Variants in SDK1 observed in about 807,000 individuals in gnomAD.
SDK1 encodes the protein sidekick cell adhesion molecule 1.
SDK1 carries 157 observed loss-of-function variants against 245.5 expected under a neutral mutation model. That is an observed-to-expected ratio of 0.64 (90% CI 0.56 to 0.73). The LOEUF (loss-of-function observed/expected upper bound fraction) is 0.73, where lower values mean the gene tolerates loss of function less well. Ranked by LOEUF, SDK1 falls within the 30% of genes least tolerant of loss-of-function variation. The probability of loss-of-function intolerance (pLI) is 0.00; values close to 1 mark genes in which losing one functional copy is unlikely to be tolerated. For missense variants in SDK1, 3,583 were observed against 3,002.3 expected, an observed-to-expected ratio of 1.19 and a Z score of -4.52; for synonymous variants, 1,647 against 1,278.5, an observed-to-expected ratio of 1.29 and a Z score of -6.15.
intron 4 of SDK1, among the ~76,000 whole-genome samples, chr7:3,733,788 C>T (rs1237268857): frequency 2.0e-5 from 3 of 152,134 alleles, no homozygotes; most frequent in Non-Finnish European, 4.4e-5. Context: ...ACGGCCCTTC[C>T]CTACAGGAGG....
chr7:3,635,560 A>C (rs1381477349), intron 2 of SDK1, among the ~76,000 whole-genome samples: 3 of 152,226 alleles, frequency 2.0e-5, no homozygotes, highest in African/African-American at 4.8e-5. Flanking sequence ...ATTTTGAAAA[A>C]GTTTCTCTGG....
chr7:3,619,163 G>T lies in SDK1; in HGVS notation c.382G>T (p.Ala128Ser). 1 of 1,613,984 alleles carries T rather than the reference G, an allele frequency of 6.2e-7. No homozygotes were observed. Among genetic ancestry groups the T allele is most frequent in the South Asian group, 1.1e-5 (1 of 91,080 alleles). The change falls in exon 2 of 45, where the codon GCC becomes TCC. Residue 128 changes from alanine (A) to serine (S), a missense_variant. Physicochemically the swap from Ala to Ser is moderately conservative, Grantham distance 99 (BLOSUM62 1). Coordinates refer to ENST00000404826, the MANE Select transcript of SDK1 (RefSeq NM_152744.4). The part of the protein sequence containing the change: ...EGNRLVLTCL[A>S]EGSWPLEFKW... ...GAACCGCCTTGTTCTCACCTGCCTT[G>T]CCGAAGGGAGCTGGCCTTTGGAGTT...
At chr7:3,929,347 T>C (rs1413447969) in intron 5 of SDK1, among the ~76,000 whole-genome samples, 1 of 152,240 alleles carries the variant, frequency 6.6e-6, no homozygotes, top group Non-Finnish European at 1.5e-5. Context: ...ACGATTGATC[T>C]TCATGCACCA....
intron 29 of SDK1, among the ~76,000 whole-genome samples, chr7:4,148,339 T>C (rs674329): frequency 0.79 from 119,595 of 152,242 alleles, 47,607 homozygotes; most frequent in African/African-American, 0.93. Context: ...AATTATTCCT[T>C]CCGCCGCGGA....
chr7:3,993,143 G>A (rs1011150639), intron 14 of SDK1, among the ~76,000 whole-genome samples: 4 of 152,060 alleles, frequency 2.6e-5, no homozygotes, highest in African/African-American at 9.7e-5. Context: ...TGAGTGAGTC[G>A]GCATTGCACA....
chr7:3,819,613 A>T (rs998948782), intron 4 of SDK1, among the ~76,000 whole-genome samples: 1 of 152,100 alleles, frequency 6.6e-6, no homozygotes, highest in African/African-American at 2.4e-5. Flanking sequence ...CTATGGTTCT[A>T]TAAAAGAATC....
At chr7:3,584,716 C>T (rs993933589) in intron 1 of SDK1, among the ~76,000 whole-genome samples, 1 of 146,498 alleles carries the variant, frequency 6.8e-6, no homozygotes, top group Non-Finnish European at 1.5e-5. Flanking sequence ...TTGGGGTGAC[C>T]CATGACTTCA....
At chr7:4,076,948 G>A (rs779676880) in intron 20 of SDK1, 50 bp from the exon 21 acceptor site, 1 of 1,515,886 alleles carries the variant, frequency 6.6e-7, no homozygotes, top group South Asian at 1.2e-5. Flanking sequence ...ATTCAGGTGA[G>A]CCCTTGGCCT....
At chr7:3,877,559 T>G (rs189550288) in intron 5 of SDK1, among the ~76,000 whole-genome samples, 7 of 152,328 alleles carry the variant, frequency 4.6e-5, no homozygotes, top group Non-Finnish European at 7.3e-5. Context: ...AGAAAAATCT[T>G]TAGATGGTTT....
chr7:3,781,755 A>G (rs1289622162), intron 4 of SDK1, among the ~76,000 whole-genome samples: 1 of 152,198 alleles, frequency 6.6e-6, no homozygotes, highest in African/African-American at 2.4e-5. Flanking sequence ...TTAGAGATGA[A>G]AAATACAGTG....
chr7:3,901,287 A>C (rs939722264), intron 5 of SDK1, among the ~76,000 whole-genome samples: 9 of 152,020 alleles, frequency 5.9e-5, no homozygotes, highest in Admixed American at 2.0e-4. Flanking sequence ...CCCGGGTTCA[A>C]GCGATTCTCC....
Position 4,127,447 on chromosome 7 carries a change from GGACATCCGTGC to G in SDK1, c.3891_3901del (p.Trp1297CysfsTer223). The G allele has an allele frequency of 2.5e-6, 4 of 1,614,184 alleles. No homozygotes were observed. Among genetic ancestry groups the G allele is most frequent in the Non-Finnish European group, 3.4e-6 (4 of 1,180,020 alleles). ...AGCTCGACCCAGATTTTACTGACAT[GGACATCCGTGC>G]CGGAACAGGACCAGAATGGGCTCAT... On this transcript the variant is annotated frameshift_variant, in exon 26 of 45. Transcript: ENST00000404826. LOFTEE classifies it high-confidence loss of function.
chr7:3,987,418 A>G (rs1783944896), intron 14 of SDK1, 96 bp downstream of exon 14: 3 of 1,280,860 alleles, frequency 2.3e-6, no homozygotes, highest in Admixed American at 1.9e-5. Context: ...CAGACCCAAA[A>G]CAACTACTAA....
intron 7 of SDK1, 30 bp downstream of exon 7, chr7:3,951,950 C>T (rs1027144565): frequency 1.9e-6 from 3 of 1,587,534 alleles, no homozygotes; most frequent in South Asian, 1.1e-5. Flanking sequence ...GTGGTGTTGC[C>T]AGCATCTCAG....
At chr7:4,126,436 T>C (rs966887457) in intron 25 of SDK1, among the ~76,000 whole-genome samples, 3 of 152,262 alleles carry the variant, frequency 2.0e-5, no homozygotes, top group African/African-American at 7.2e-5. Flanking sequence ...TGATCTTACA[T>C]GTGGGCCGGG....
chr7:3,727,374 A>G (rs1779041030), intron 4 of SDK1, among the ~76,000 whole-genome samples: 1 of 152,138 alleles, frequency 6.6e-6, no homozygotes. Context: ...AGAAAGTCTG[A>G]TGTTGGATTT....
intron 1 of SDK1, among the ~76,000 whole-genome samples, chr7:3,473,108 G>A (rs796531987): frequency 2.2e-4 from 34 of 152,140 alleles, no homozygotes; most frequent in African/African-American, 7.2e-4. Context: ...CACATTTACC[G>A]GAGCATCACA....
chr7:4,131,784 A>T (rs1015142404), intron 27 of SDK1, among the ~76,000 whole-genome samples: 9 of 152,174 alleles, frequency 5.9e-5, no homozygotes, highest in South Asian at 2.1e-4. Flanking sequence ...CCAACTCTTA[A>T]TTATCTAGGA....
intron 4 of SDK1, among the ~76,000 whole-genome samples, chr7:3,660,551 C>T (rs780247699): frequency 6.6e-6 from 1 of 152,110 alleles, no homozygotes; most frequent in African/African-American, 2.4e-5. Flanking sequence ...TAAAACCTGC[C>T]CATAATGGGC....
Sources: gnomAD v4.1 joint callset for allele counts (sites outside exome capture counted in the v4.1 genomes callset) on GRCh38, gnomAD v4.1.1 for gene constraint, MANE v1.5 for transcripts, NCBI Gene and HGNC (gene_info 2026-07-23, HGNC 2026-07-21) for gene names.